Variants in STX6 observed in about 807,000 individuals in gnomAD.
STX6 encodes syntaxin 6, also known as syntaxin-6.
STX6 carries 23 observed loss-of-function variants against 38.0 expected under a neutral mutation model. The observed-to-expected ratio is 0.60, with a 90% CI of 0.43 to 0.86. The LOEUF (loss-of-function observed/expected upper bound fraction) is 0.86. Among genes scored for constraint, STX6 ranks in the 40% least tolerant of loss-of-function variants. STX6 has a pLI of 0.00. For missense variants in STX6, 274 were observed against 312.9 expected (o/e 0.88, Z 0.94); for synonymous variants, 123 against 107.5 (o/e 1.14, Z -0.89).
At chr1:181,005,176 G>A in intron 2 of STX6, 118 bp downstream of exon 2, 1 of 1,507,800 alleles carries the variant, frequency 6.6e-7, no homozygotes, top group South Asian at 1.3e-5. Flanking sequence ...GTACAAGTAA[G>A]AGCAACAAAC....
At chr1:180,979,459 A>C (rs1655342134) in intron 7 of STX6, among the ~76,000 whole-genome samples, 1 of 152,236 alleles carries the variant, frequency 6.6e-6, no homozygotes, top group African/African-American at 2.4e-5. Context: ...AGTCTTTTCA[A>C]CAAATGGTGC....
chr1:181,004,769 GAACTCC>G (rs1656178918), intron 2 of STX6, among the ~76,000 whole-genome samples: 1 of 151,998 alleles, frequency 6.6e-6, no homozygotes, highest in Non-Finnish European at 1.5e-5. Flanking sequence ...GGGGTCGTGG[GAACTCC>G]AATTTATACG....
At chr1:180,980,206 CAA>C (rs56336455) in intron 7 of STX6, among the ~76,000 whole-genome samples, 1 of 88,244 alleles carries the variant, frequency 1.1e-5, no homozygotes, top group Admixed American at 1.4e-4. Flanking sequence ...GACTCTGTCT[CAA>C]AAAAAAAAAA....
At chr1:181,002,918 A>G (rs1462697305) in intron 2 of STX6, among the ~76,000 whole-genome samples, 1 of 152,240 alleles carries the variant, frequency 6.6e-6, no homozygotes, top group African/African-American at 2.4e-5. Flanking sequence ...CTGGTTAGGA[A>G]GCATAGCCCC....
intron 2 of STX6, among the ~76,000 whole-genome samples, chr1:181,003,679 C>T (rs1656147297): frequency 6.6e-6 from 1 of 152,146 alleles, no homozygotes; most frequent in Non-Finnish European, 1.5e-5. Context: ...AAGCTGGTTT[C>T]CTTATGTTTT....
chr1:181,000,643 T>A (rs1452360020), intron 3 of STX6, among the ~76,000 whole-genome samples: 1 of 152,188 alleles, frequency 6.6e-6, no homozygotes, highest in Non-Finnish European at 1.5e-5. Flanking sequence ...TTTCTAAGAA[T>A]GTACTTTAAA....
rs1005851291 is a variant in STX6, at chr1:180,973,902, C to T, written c.*2668G>A. 6.6e-6 allele frequency: 1 copy of T among 152,144 alleles called. No homozygotes were observed. The highest frequency in any genetic ancestry group is 2.4e-5 in the African/African-American group (1 of 41,424). The allele number at this position is 152,144 out of a possible 1,614,324, so 9.4% of individuals were successfully genotyped here. A position where few individuals can be genotyped will look rare whatever the true frequency, so the allele number is the denominator to read the frequency against. On this transcript the variant is annotated 3_prime_UTR_variant, in exon 8 of 8. Transcript: ENST00000258301. ...TGTTATCCATCACATTCTGCCAGTT[C>T]TTTAAAACTGGAATATGGTACTAGG...
intron 3 of STX6, among the ~76,000 whole-genome samples, chr1:180,997,563 T>C (rs181623247): frequency 6.6e-6 from 1 of 152,322 alleles, no homozygotes; most frequent in Non-Finnish European, 1.5e-5. Context: ...GTTTAAAAAA[T>C]TTAAATCTCT....
chr1:181,014,393 CAAA>C (rs11334153), intron 1 of STX6, among the ~76,000 whole-genome samples: 1 of 138,746 alleles, frequency 7.2e-6, no homozygotes. Flanking sequence ...GACTCCATCT[CAAA>C]AAAAAAAAAG....
chr1:181,018,405 A>G (rs922217773), intron 1 of STX6, among the ~76,000 whole-genome samples: 2 of 147,712 alleles, frequency 1.4e-5, no homozygotes, highest in African/African-American at 5.0e-5. Flanking sequence ...AAAAAAAAAA[A>G]AAAAAAAAAG....
At chr1:181,011,961 G>C (rs1447274296) in intron 1 of STX6, among the ~76,000 whole-genome samples, 1 of 152,234 alleles carries the variant, frequency 6.6e-6, no homozygotes, top group Non-Finnish European at 1.5e-5. Flanking sequence ...GACAATCACA[G>C]ATAGTGCTTC....
At chr1:181,007,673 T>C (rs896380818) in intron 1 of STX6, among the ~76,000 whole-genome samples, 38 of 152,218 alleles carry the variant, frequency 2.5e-4, no homozygotes, top group African/African-American at 8.9e-4. Flanking sequence ...AAATTCTAAG[T>C]AGCAATCTAT....
At chr1:181,012,320 C>A (rs1405929898) in intron 1 of STX6, among the ~76,000 whole-genome samples, 2 of 152,190 alleles carry the variant, frequency 1.3e-5, no homozygotes, top group African/African-American at 2.4e-5. Context: ...GCAAATCTTG[C>A]GCTATCCGTC....
At chr1:181,010,194 C>T (rs1466306376) in intron 1 of STX6, among the ~76,000 whole-genome samples, 3 of 151,812 alleles carry the variant, frequency 2.0e-5, no homozygotes, top group Non-Finnish European at 2.9e-5. Flanking sequence ...GAAGTGTACA[C>T]CAAAAAGGTT....
At chr1:180,993,577 G>C in intron 3 of STX6, 152 bp from the exon 4 acceptor site, 1 of 538,386 alleles carries the variant, frequency 1.9e-6, no homozygotes, top group Non-Finnish European at 3.3e-6. Flanking sequence ...CAAAAATAAA[G>C]AAAATAAAAT....
At chr1:180,985,976 A>C (rs1446421815) in intron 6 of STX6, among the ~76,000 whole-genome samples, 3 of 152,146 alleles carry the variant, frequency 2.0e-5, no homozygotes, top group African/African-American at 7.2e-5. Flanking sequence ...CCCTTACCTA[A>C]ATTTTCAAAT....
At chr1:180,988,068 T>C in intron 6 of STX6, 171 bp downstream of exon 6, 1 of 508,034 alleles carries the variant, frequency 2.0e-6, no homozygotes, top group East Asian at 3.5e-5. Context: ...ATTTACGAAG[T>C]AGAATTGCTT....
At chr1:181,022,554 T>A in intron 1 of STX6, 85 bp downstream of exon 1, 3 of 1,385,734 alleles carry the variant, frequency 2.2e-6, no homozygotes, top group Non-Finnish European at 3.0e-6. Flanking sequence ...TTGCCTCCCC[T>A]CCCCCCACTG....
chr1:181,015,673 T>TC (rs1432293031), intron 1 of STX6, among the ~76,000 whole-genome samples: 1 of 151,338 alleles, frequency 6.6e-6, no homozygotes, highest in African/African-American at 2.4e-5. Context: ...CACAAATCTT[T>TC]TTTTTTTTTT....
Sources: gnomAD v4.1 joint callset for allele counts (sites outside exome capture counted in the v4.1 genomes callset) on GRCh38, gnomAD v4.1.1 for gene constraint, MANE v1.5 for transcripts, NCBI Gene and HGNC (gene_info 2026-07-23, HGNC 2026-07-21) for gene names.